The following ROBO2 variants were observed in gnomAD, a reference collection of about 807,000 sequenced individuals.
ROBO2 encodes roundabout homolog 2.
ROBO2 carries 53 observed loss-of-function variants against 160.8 expected under a neutral mutation model. The ratio of observed to expected loss-of-function variants is 0.33; its 90% CI spans 0.26 to 0.41. ROBO2 has a LOEUF of 0.41. Ranked by LOEUF, ROBO2 falls within the 10% of genes least tolerant of loss-of-function variation. The pLI is 1.00. For synonymous variants in ROBO2, 664 were observed against 611.7 expected, an observed-to-expected ratio of 1.09 and a Z score of -1.26; for missense variants, 1,577 against 1,722.4, an observed-to-expected ratio of 0.92 and a Z score of 1.49.
intron 2 of ROBO2, among the ~76,000 whole-genome samples, chr3:76,765,035 T>C (rs1010120563): frequency 6.6e-6 from 1 of 151,630 alleles, no homozygotes; most frequent in African/African-American, 2.4e-5. Context: ...ACCCAATAGG[T>C]AATTTTTCAA....
At chr3:77,464,422 A>G (rs2082556616) in intron 2 of ROBO2, among the ~76,000 whole-genome samples, 1 of 152,170 alleles carries the variant, frequency 6.6e-6, no homozygotes, top group South Asian at 2.1e-4. Context: ...AAAAAAGAAA[A>G]GAGCGTGTTA....
intron 2 of ROBO2, among the ~76,000 whole-genome samples, chr3:77,445,794 G>GTTTTTTTTTTT (rs199914360): frequency 2.6e-4 from 32 of 123,012 alleles, no homozygotes; most frequent in Non-Finnish European, 3.7e-4. Context: ...GTTTTTTTTT[G>GTTTTTTTTTTT]TTTTTTTTTT....
intron 2 of ROBO2, among the ~76,000 whole-genome samples, chr3:75,981,925 A>G (rs541266958): frequency 1.5e-3 from 222 of 150,944 alleles, no homozygotes; most frequent in African/African-American, 5.2e-3. Context: ...AAAACCCCCT[A>G]CCCTTCCCAG....
chr3:76,487,063 G>C (rs1029001147), intron 2 of ROBO2, among the ~76,000 whole-genome samples: 9 of 152,086 alleles, frequency 5.9e-5, no homozygotes, highest in Admixed American at 2.0e-4. Flanking sequence ...TCGAACTCCT[G>C]GGCTCAAGCA....
intron 2 of ROBO2, among the ~76,000 whole-genome samples, chr3:76,416,424 GT>G (rs1300607541): frequency 1.3e-5 from 2 of 150,308 alleles, no homozygotes; most frequent in African/African-American, 5.0e-5. Flanking sequence ...CTGTGTGTGT[GT>G]GGGGGGGAAA....
intron 2 of ROBO2, among the ~76,000 whole-genome samples, chr3:76,378,142 T>C (rs985680858): frequency 1.3e-5 from 2 of 152,180 alleles, no homozygotes; most frequent in African/African-American, 2.4e-5. Flanking sequence ...TTAACTTCCA[T>C]GTTGTGATTA....
At chr3:76,659,388 A>G (rs958181271) in intron 2 of ROBO2, among the ~76,000 whole-genome samples, 3 of 149,762 alleles carry the variant, frequency 2.0e-5, no homozygotes, top group African/African-American at 7.3e-5. Context: ...TTCCTATGTA[A>G]TATATATAAT....
chr3:76,982,974 T>C (rs1188228935), intron 2 of ROBO2, among the ~76,000 whole-genome samples: 1 of 152,186 alleles, frequency 6.6e-6, no homozygotes, highest in Non-Finnish European at 1.5e-5. Context: ...TAGCTATTTA[T>C]TCCAACTTGG....
At chr3:76,616,776 C>T (rs2088619667) in intron 2 of ROBO2, among the ~76,000 whole-genome samples, 4 of 152,094 alleles carry the variant, frequency 2.6e-5, no homozygotes, top group Admixed American at 2.6e-4. Flanking sequence ...CAGGCCCTTG[C>T]TATGTTGCCT....
chr3:76,985,898 A>C (rs2060355626), intron 2 of ROBO2, among the ~76,000 whole-genome samples: 1 of 152,190 alleles, frequency 6.6e-6, no homozygotes, highest in African/African-American at 2.4e-5. Context: ...GTGGTCATTA[A>C]TTTTGTTGGA....
intron 2 of ROBO2, among the ~76,000 whole-genome samples, chr3:75,950,298 T>C (rs1303495396): frequency 2.6e-5 from 4 of 152,080 alleles, no homozygotes; most frequent in Non-Finnish European, 5.9e-5. Flanking sequence ...CTCCTCACAT[T>C]CCCAAATCTC....
At chr3:76,964,329 T>TTTTTGTTTTG (rs561269954) in intron 2 of ROBO2, among the ~76,000 whole-genome samples, 2 of 152,036 alleles carry the variant, frequency 1.3e-5, no homozygotes, top group African/African-American at 2.4e-5. Context: ...ACTCCTTTTG[T>TTTTTGTTTTG]TTTTGTTTTG....
At chr3:77,295,876 A>G (rs1279866901) in intron 2 of ROBO2, among the ~76,000 whole-genome samples, 6 of 149,242 alleles carry the variant, frequency 4.0e-5, no homozygotes, top group Admixed American at 1.3e-4. Flanking sequence ...CCCCAGACAC[A>G]AAGTAAAATT....
At chr3:76,870,744 C>T (rs1055661916) in intron 2 of ROBO2, among the ~76,000 whole-genome samples, 1 of 151,910 alleles carries the variant, frequency 6.6e-6, no homozygotes, top group Admixed American at 6.6e-5. Context: ...ATTGGAGTTC[C>T]TTTTTATTTT....
chr3:76,445,327 CTTGAAA>C (rs1232457173), intron 2 of ROBO2, among the ~76,000 whole-genome samples: 1 of 152,018 alleles, frequency 6.6e-6, no homozygotes, highest in Non-Finnish European at 1.5e-5. Flanking sequence ...GGTATAGTCA[CTTGAAA>C]TTGAGAGGGA....
chr3:77,257,698 G>A (rs111272032), intron 2 of ROBO2, among the ~76,000 whole-genome samples: 4,030 of 152,262 alleles, frequency 0.026, 60 homozygotes, highest in Middle Eastern at 0.041. Flanking sequence ...GAATGACTGC[G>A]TAACTAATCT....
chr3:76,427,900 C>T (rs1031485314), intron 2 of ROBO2, among the ~76,000 whole-genome samples: 2 of 152,086 alleles, frequency 1.3e-5, no homozygotes, highest in East Asian at 3.9e-4. Context: ...CCTCTCTTCT[C>T]CAGTTTTAGA....
chr3:76,163,412 G>T (rs916561296), intron 2 of ROBO2, among the ~76,000 whole-genome samples: 2 of 150,966 alleles, frequency 1.3e-5, no homozygotes, highest in South Asian at 2.1e-4. Flanking sequence ...TTATTATAAC[G>T]TGGTATTGAA....
chr3:76,263,028 G>A (rs1184300965), intron 2 of ROBO2, among the ~76,000 whole-genome samples: 1 of 152,118 alleles, frequency 6.6e-6, no homozygotes, highest in African/African-American at 2.4e-5. Context: ...CATGCCATCA[G>A]TACCAGATAG....
Sources: gnomAD v4.1 joint callset for allele counts (sites outside exome capture counted in the v4.1 genomes callset) on GRCh38, gnomAD v4.1.1 for gene constraint, MANE v1.5 for transcripts, NCBI Gene and HGNC (gene_info 2026-07-23, HGNC 2026-07-21) for gene names.